The following JAKMIP1 variants were observed in gnomAD, a reference collection of about 807,000 sequenced individuals.
The protein encoded by JAKMIP1 is janus kinase and microtubule-interacting protein 1.
In JAKMIP1, 33 loss-of-function variants were observed where a neutral mutation model predicts 113.0. The observed-to-expected ratio is 0.29, with a 90% CI of 0.22 to 0.39. JAKMIP1 has a LOEUF of 0.39. Among genes scored for constraint, JAKMIP1 ranks in the 10% least tolerant of loss-of-function variants. The probability of loss-of-function intolerance (pLI) is 1.00; values close to 1 mark genes in which losing one functional copy is unlikely to be tolerated. For synonymous variants in JAKMIP1, 480 were observed against 459.9 expected (o/e 1.04, Z -0.56); for missense variants, 813 against 1,080.5 (o/e 0.75, Z 3.47).
rs758421125 is a variant in JAKMIP1 at position 6,184,616 on chromosome 4, G to A, written c.-148+15637C>T. 7.9e-5 allele frequency among the ~76,000 whole-genome samples: 12 copies of A among 152,190 alleles called. No homozygotes were observed. The highest frequency in any genetic ancestry group is 1.9e-4 in the East Asian group (1 of 5,198). ...GCACTCTAGGAAACAAGGGTCCCCCGCGCTCACCTGTAGATTCAGCAAGAG... is the reference window on the plus strand; with the variant it reads ...GCACTCTAGGAAACAAGGGTCCCCCACGCTCACCTGTAGATTCAGCAAGAG... On this transcript the variant is annotated intron_variant, in intron 1 of 20. Coordinates refer to ENST00000409021, the MANE Select transcript of JAKMIP1 (RefSeq NM_001099433.2). The surrounding 1 kb of genome is among the most constrained non-coding windows in gnomAD (Gnocchi z 4.5).
chr4:6,180,908 A>G lies in JAKMIP1; in HGVS notation c.-148+19345T>C, dbSNP rs780389274. ...CTACTTGCTGGCTCTTGGCCAACTC[A>G]TTGCATCATTTTGGAATCTCCCCTT... On this transcript the variant is annotated intron_variant, in intron 1 of 20. Transcript: ENST00000409021. This position sits in a 1 kb window ranked among gnomAD's most constrained non-coding sequence, Gnocchi z 4.5. 2.6e-5 allele frequency among the ~76,000 whole-genome samples: 4 copies of G among 151,956 alleles called. No individual in the cohort carries two copies. Among genetic ancestry groups the G allele is most frequent in the African/African-American group, 4.8e-5 (2 of 41,330 alleles).
At chr4:6,118,342 G>A (rs1716154745) in intron 1 of JAKMIP1, among the ~76,000 whole-genome samples, 1 of 152,110 alleles carries the variant, frequency 6.6e-6, no homozygotes, top group South Asian at 2.1e-4. Flanking sequence ...CTGTCACACA[G>A]GAAGCATTGC....
Position 6,168,259 on chromosome 4 carries a change from A to G in JAKMIP1, c.-148+31994T>C, listed in dbSNP as rs1723906296. Among the ~76,000 whole-genome samples the G allele has an allele frequency of 1.3e-5, 2 of 152,188 alleles. No homozygotes were observed. Among genetic ancestry groups the G allele is most frequent in the South Asian group, 4.1e-4 (2 of 4,834 alleles). On this transcript the variant is annotated intron_variant, in intron 1 of 20. Coordinates refer to ENST00000409021, the MANE Select transcript of JAKMIP1 (RefSeq NM_001099433.2). The surrounding 1 kb of genome is among the most constrained non-coding windows in gnomAD (Gnocchi z 4.6). ...TCCTTAAAATGTGAAACGCAGAATC[A>G]CCCTGTGACCTCGCAGTTCTACTCC...
chr4:6,182,988 C>A (rs1254706709), intron 1 of JAKMIP1, among the ~76,000 whole-genome samples: 1 of 152,216 alleles, frequency 6.6e-6, no homozygotes, highest in Non-Finnish European at 1.5e-5. Context: ...GCAGCCCTTC[C>A]TCCCGCTCAG....
rs963004579 is a variant in JAKMIP1, at chr4:6,168,577, TA to T, written c.-148+31675del. On this transcript the variant is annotated intron_variant, in intron 1 of 20. Transcript: ENST00000409021. The surrounding 1 kb of genome is among the most constrained non-coding windows in gnomAD (Gnocchi z 4.6). Reference sequence around the variant, plus strand: ...CACAGATTGAATATTCCATTTAGATTAAATGTCTAGAATAGGGAAATCCATA... The same window carrying T: ...CACAGATTGAATATTCCATTTAGATTAATGTCTAGAATAGGGAAATCCATA... Among the ~76,000 whole-genome samples, 63 of 152,184 alleles carry T rather than the reference TA, an allele frequency of 4.1e-4. No homozygotes were observed. Among genetic ancestry groups the T allele is most frequent in the African/African-American group, 1.4e-3 (58 of 41,530 alleles).
intron 2 of JAKMIP1, among the ~76,000 whole-genome samples, chr4:6,109,375 C>T (rs770773563): frequency 1.3e-4 from 20 of 151,824 alleles, no homozygotes; most frequent in Admixed American, 3.9e-4. Context: ...CCTCATTATC[C>T]GCCCGCCTTG....
Position 6,081,717 on chromosome 4 carries a change from G to A in JAKMIP1, c.993C>T (p.Pro331=), listed in dbSNP as rs1380940316. 3.7e-6 allele frequency: 6 copies of A among 1,613,986 alleles called. No individual in the cohort carries two copies. Among genetic ancestry groups the A allele is most frequent in the African/African-American group, 1.3e-5 (1 of 74,886 alleles). Residue 331 remains proline (P), a synonymous_variant, in exon 6 of 21, where the codon CCC becomes CCT. Transcript: ENST00000409021. The surrounding 1 kb of genome is among the most constrained non-coding windows in gnomAD (Gnocchi z 4.6). ...RSRETEVQLK[P]LVEKNKRMNK... ...TCATCCGCTTGTTCTTCTCCACCAG[G>A]GGCTTCAGCTGAACCTCGGTCTCTC...
Position 6,069,416 on chromosome 4 carries a change from T to G in JAKMIP1, c.1303-4408A>C, listed in dbSNP as rs1195852932. On this transcript the variant is annotated intron_variant, in intron 8 of 20. Transcript: ENST00000409021. This position sits in a 1 kb window ranked among gnomAD's most constrained non-coding sequence, Gnocchi z 4.5. ...GTTCCTTGCAACCAAAGCCTCTCCTTGTTGACTCGTTTCTACAGATGAATC... is the reference window on the plus strand; with the variant it reads ...GTTCCTTGCAACCAAAGCCTCTCCTGGTTGACTCGTTTCTACAGATGAATC... 1.3e-5 allele frequency among the ~76,000 whole-genome samples: 2 copies of G among 152,206 alleles called. No homozygotes were observed. The highest frequency in any genetic ancestry group is 2.9e-5 in the Non-Finnish European group (2 of 68,040).
intron 3 of JAKMIP1, among the ~76,000 whole-genome samples, chr4:6,096,032 A>G (rs1309913252): frequency 6.6e-6 from 1 of 152,212 alleles, no homozygotes; most frequent in Non-Finnish European, 1.5e-5. Flanking sequence ...AACAAGGGAC[A>G]CTGAGGTGGG....
At position 6,184,191 on chromosome 4, in the gene JAKMIP1, C is replaced by G. The variant is rs535831963; in HGVS notation, c.-148+16062G>C. 2.0e-5 allele frequency among the ~76,000 whole-genome samples: 3 copies of G among 152,240 alleles called. No individual in the cohort carries two copies. The East Asian group carries it at 5.8e-4, about 29-fold the overall frequency. On this transcript the variant is annotated intron_variant, in intron 1 of 20. Transcript: ENST00000409021. The surrounding 1 kb of genome is among the most constrained non-coding windows in gnomAD (Gnocchi z 4.5). ...TCATTTTGCAGATGGGAAAACAAACCCAAAGAGAGGTGAGTGTATCACACT... is the reference window on the plus strand; with the variant it reads ...TCATTTTGCAGATGGGAAAACAAACGCAAAGAGAGGTGAGTGTATCACACT...
intron 8 of JAKMIP1, among the ~76,000 whole-genome samples, chr4:6,077,652 T>C (rs1719878466): frequency 6.6e-6 from 1 of 151,912 alleles, no homozygotes; most frequent in African/African-American, 2.4e-5. Flanking sequence ...CCAGCTAATT[T>C]TTTTAATTTT....
intron 1 of JAKMIP1, among the ~76,000 whole-genome samples, chr4:6,127,450 G>A (rs1043441829): frequency 1.3e-5 from 2 of 152,226 alleles, no homozygotes; most frequent in African/African-American, 4.8e-5. Context: ...GTGCCTGAGG[G>A]AGCAAGAAGG....
rs1553864663 is a variant in JAKMIP1 at position 6,183,478 on chromosome 4, C to CATAAATAAATAAATA, written c.-148+16774_-148+16775insTATTTATTTATTTAT. Among the ~76,000 whole-genome samples the CATAAATAAATAAATA allele has an allele frequency of 3.9e-5, 5 of 126,708 alleles. No homozygotes were observed. Among genetic ancestry groups the CATAAATAAATAAATA allele is most frequent in the African/African-American group, 1.5e-4 (5 of 33,868 alleles). The allele number at this position is 126,708 out of a possible 152,430, so 83.1% of individuals were successfully genotyped here. ...TGGGTGACAGAGCAAGACTCTGTCTCAATAAATAAATAAATAAATAAATAA... is the reference window on the plus strand; with the variant it reads ...TGGGTGACAGAGCAAGACTCTGTCTCATAAATAAATAAATAAATAAATAAATAAATAAATAAATAA... On this transcript the variant is annotated intron_variant, in intron 1 of 20. Transcript: ENST00000409021. The surrounding 1 kb of genome is among the most constrained non-coding windows in gnomAD (Gnocchi z 5.3).
At chr4:6,172,518 G>A (rs1397034583) in intron 1 of JAKMIP1, among the ~76,000 whole-genome samples, 1 of 151,700 alleles carries the variant, frequency 6.6e-6, no homozygotes. Context: ...CTGGGGAGGA[G>A]AGAGGACACG....
chr4:6,037,039 G>A, intron 18 of JAKMIP1, among the ~76,000 whole-genome samples: 1 of 150,258 alleles, frequency 6.7e-6, no homozygotes, highest in Non-Finnish European at 1.5e-5. Flanking sequence ...CTGAGGCAGA[G>A]GCTAACCGGT....
At position 6,040,854 on chromosome 4, in the gene JAKMIP1, G is replaced by A. The variant is rs142271254; in HGVS notation, c.2098-138C>T. 2.6e-3 allele frequency: 1,769 copies of A among 692,404 alleles called. 10 individuals are homozygous for A. The African/African-American group carries it at 0.026, about 10-fold the overall frequency. 42.9% of individuals were successfully genotyped at this position (692,404 alleles called of 1,614,324 possible). On this transcript the variant is annotated intron_variant, in intron 17 of 20. Coordinates refer to ENST00000409021, the MANE Select transcript of JAKMIP1 (RefSeq NM_001099433.2). This position sits in a 1 kb window ranked among gnomAD's most constrained non-coding sequence, Gnocchi z 5.8. ...GAGAAGGGACTTGGTGGTCTTCCCC[G>A]TTTGCCCCCACATGAATCACCCAGC...
chr4:6,191,108 G>C (rs2109059355), intron 1 of JAKMIP1, among the ~76,000 whole-genome samples: 1 of 152,354 alleles, frequency 6.6e-6, no homozygotes, highest in South Asian at 2.1e-4. Flanking sequence ...TATTGCAAAA[G>C]ACTTACACAG....
At chr4:6,174,669 C>T (rs1013425123) in intron 1 of JAKMIP1, among the ~76,000 whole-genome samples, 1 of 152,266 alleles carries the variant, frequency 6.6e-6, no homozygotes, top group South Asian at 2.1e-4. Context: ...CCCCGAAACC[C>T]CCCGGAGCAG....
At chr4:6,125,905 A>G (rs1377228625) in intron 1 of JAKMIP1, among the ~76,000 whole-genome samples, 6 of 106,584 alleles carry the variant, frequency 5.6e-5, no homozygotes, top group Non-Finnish European at 7.5e-5. Context: ...AAACACACAC[A>G]CACACCATAC....
Sources: gnomAD v4.1 joint callset for allele counts (sites outside exome capture counted in the v4.1 genomes callset) on GRCh38, gnomAD v4.1.1 for gene constraint, Gnocchi (gnomAD v3.1) non-coding constraint, MANE v1.5 for transcripts, NCBI Gene and HGNC (gene_info 2026-07-23, HGNC 2026-07-21) for gene names.